GSG1L: variants seen among roughly 807,000 people sequenced by gnomAD.
GSG1L encodes the protein GSG1 like.
In GSG1L, 24 loss-of-function variants were observed where a neutral mutation model predicts 42.1. That is an observed-to-expected ratio of 0.57 (90% CI 0.41 to 0.80). The LOEUF (loss-of-function observed/expected upper bound fraction) is 0.80. Ranked by LOEUF, GSG1L falls within the 30% of genes least tolerant of loss-of-function variation. GSG1L has a pLI of 0.00. For synonymous variants in GSG1L, 215 were observed against 203.5 expected, an observed-to-expected ratio of 1.06 and a Z score of -0.48; for missense variants, 445 against 472.2, an observed-to-expected ratio of 0.94 and a Z score of 0.53.
intron 2 of GSG1L, among the ~76,000 whole-genome samples, chr16:27,920,416 T>A (rs1205010009): frequency 6.6e-6 from 1 of 152,186 alleles, no homozygotes; most frequent in Non-Finnish European, 1.5e-5. Flanking sequence ...GATGGAGAGT[T>A]TCCAGGAGTC....
intron 2 of GSG1L, among the ~76,000 whole-genome samples, chr16:27,936,558 G>A (rs1045401498): frequency 3.3e-5 from 5 of 152,172 alleles, no homozygotes; most frequent in Non-Finnish European, 4.4e-5. Flanking sequence ...ACCAGAAGCA[G>A]ATGCAGGCTT....
At chr16:27,865,787 C>T (rs1301404076) in intron 3 of GSG1L, among the ~76,000 whole-genome samples, 2 of 151,538 alleles carry the variant, frequency 1.3e-5, no homozygotes, top group East Asian at 1.9e-4. Flanking sequence ...ACTGCAACCT[C>T]AAACTCCCCA....
At chr16:27,792,688 C>T (rs1364077899) in intron 6 of GSG1L, among the ~76,000 whole-genome samples, 2 of 152,192 alleles carry the variant, frequency 1.3e-5, no homozygotes, top group Non-Finnish European at 2.9e-5. Flanking sequence ...GCATCACCCC[C>T]GTTAGACCCC....
intron 1 of GSG1L, among the ~76,000 whole-genome samples, chr16:28,053,192 T>C (rs1346903693): frequency 1.3e-5 from 2 of 152,200 alleles, no homozygotes; most frequent in African/African-American, 4.8e-5. Flanking sequence ...CCCACAAATG[T>C]GTCCAGAGGG....
chr16:27,875,193 G>A (rs2083872290), intron 3 of GSG1L, among the ~76,000 whole-genome samples: 1 of 152,132 alleles, frequency 6.6e-6, no homozygotes, highest in Non-Finnish European at 1.5e-5. Context: ...GAGATTATGG[G>A]GAGTTAATGT....
chr16:28,010,998 G>A lies in GSG1L; in HGVS notation c.350-47795C>T, dbSNP rs181221654. Among the ~76,000 whole-genome samples the A allele has an allele frequency of 9.1e-4, 138 of 152,270 alleles. 3 individuals are homozygous for A. Among genetic ancestry groups the A allele is most frequent in the Admixed American group, 3.9e-4 (6 of 15,308 alleles). On this transcript the variant is annotated intron_variant, in intron 1 of 6. Transcript: ENST00000447459. ...AGCTGAGGAGGGGCTCTGATGGGTC[G>A]TCGGGGCTCTGCCGGGCAGGCTGCA... is the stretch of plus-strand genomic sequence containing the variant.
At chr16:28,005,512 C>T (rs558195580) in intron 1 of GSG1L, among the ~76,000 whole-genome samples, 31 of 152,216 alleles carry the variant, frequency 2.0e-4, no homozygotes, top group Admixed American at 4.6e-4. Context: ...TGGATTAGGG[C>T]TCACCCAAAG....
At chr16:27,836,005 G>C (rs1240021593) in intron 4 of GSG1L, among the ~76,000 whole-genome samples, 2 of 151,964 alleles carry the variant, frequency 1.3e-5, no homozygotes, top group Admixed American at 1.3e-4. Context: ...GCTCCCTTTA[G>C]CCTTTCTTTT....
chr16:28,051,601 G>A (rs1172346138), intron 1 of GSG1L, among the ~76,000 whole-genome samples: 2 of 152,116 alleles, frequency 1.3e-5, no homozygotes, highest in African/African-American at 2.4e-5. Flanking sequence ...TCATTCACAA[G>A]GAACGTTTGA....
intron 1 of GSG1L, among the ~76,000 whole-genome samples, chr16:28,034,495 C>T (rs963936762): frequency 5.3e-5 from 8 of 152,182 alleles, no homozygotes; most frequent in Non-Finnish European, 1.0e-4. Flanking sequence ...GCTCATATAA[C>T]ATCAACTGGT....
intron 3 of GSG1L, among the ~76,000 whole-genome samples, chr16:27,873,071 G>C (rs2891612): frequency 6.6e-6 from 1 of 152,066 alleles, no homozygotes; most frequent in Non-Finnish European, 1.5e-5. Flanking sequence ...CCCTCTCTTC[G>C]GGTCTGGACA....
chr16:28,050,590 C>T (rs562467679), intron 1 of GSG1L, among the ~76,000 whole-genome samples: 6 of 152,300 alleles, frequency 3.9e-5, no homozygotes, highest in East Asian at 3.9e-4. Flanking sequence ...TGGAACAACT[C>T]GGCCAGCAGG....
rs558651799 is a variant in GSG1L at position 27,801,625 on chromosome 16, G to A, written c.898+5862C>T. Among the ~76,000 whole-genome samples the A allele has an allele frequency of 2.2e-3, 337 of 152,206 alleles. 3 individuals are homozygous for A. The highest frequency in any genetic ancestry group is 7.8e-3 in the African/African-American group (324 of 41,526). ...GCATCATTTCCATACTCATTTGATC[G>A]GCTGCTTCTCTAGACCATGAGCTCC... On this transcript the variant is annotated intron_variant, in intron 6 of 6. Transcript: ENST00000447459.
intron 3 of GSG1L, among the ~76,000 whole-genome samples, chr16:27,877,900 A>G (rs554116677): frequency 4.1e-4 from 63 of 152,300 alleles, no homozygotes; most frequent in African/African-American, 1.5e-3. Context: ...ACACTTCACC[A>G]TGGCAGACTC....
rs527967778 is a variant in GSG1L, at chr16:27,940,928, G to A, written c.397+22228C>T. On this transcript the variant is annotated intron_variant, in intron 2 of 6. Transcript: ENST00000447459. ...AAGAAAGCATTAATCCTAAAGAGAA[G>A]GATGGATAAATTTAGCTGCTTTAAA... Among the ~76,000 whole-genome samples, 58 of 151,620 alleles carry A rather than the reference G, an allele frequency of 3.8e-4. 1 individual carries two copies. In the South Asian group the frequency reaches 0.011, roughly 29 times the overall value.
At chr16:27,979,721 A>AGGAG (rs2085299925) in intron 1 of GSG1L, among the ~76,000 whole-genome samples, 1 of 60,456 alleles carries the variant, frequency 1.7e-5, no homozygotes, top group Non-Finnish European at 3.5e-5. Context: ...GAAGGAAGGA[A>AGGAG]GGAAGGAAAG....
intron 1 of GSG1L, among the ~76,000 whole-genome samples, chr16:27,965,736 C>G (rs1176376274): frequency 6.6e-6 from 1 of 152,234 alleles, no homozygotes; most frequent in African/African-American, 2.4e-5. Flanking sequence ...CTCCGCTGGT[C>G]CAGCCACCAT....
At chr16:27,808,642 C>T (rs1597464220) in intron 5 of GSG1L, among the ~76,000 whole-genome samples, 1 of 152,192 alleles carries the variant, frequency 6.6e-6, no homozygotes, top group Non-Finnish European at 1.5e-5. Context: ...TGGTCTCAAA[C>T]TCCTGACCTC....
At chr16:27,950,224 A>G (rs1169941647) in intron 2 of GSG1L, among the ~76,000 whole-genome samples, 1 of 152,200 alleles carries the variant, frequency 6.6e-6, no homozygotes, top group Non-Finnish European at 1.5e-5. Context: ...ACTGCTGTTT[A>G]CCCTTAACAG....
Sources: gnomAD v4.1 joint callset for allele counts (sites outside exome capture counted in the v4.1 genomes callset) on GRCh38, gnomAD v4.1.1 for gene constraint, MANE v1.5 for transcripts, NCBI Gene and HGNC (gene_info 2026-07-23, HGNC 2026-07-21) for gene names.